Variants in TWIST2 observed in about 807,000 individuals in gnomAD.
The protein encoded by TWIST2 is twist family bHLH transcription factor 2, also known as twist-related protein 2.
A neutral mutation model predicts 11.6 loss-of-function variants in TWIST2; 1 was observed. The ratio of observed to expected loss-of-function variants is 0.09; its 90% CI spans 0.03 to 0.41. The LOEUF (loss-of-function observed/expected upper bound fraction) is 0.41. Ranked by LOEUF, TWIST2 falls within the 10% of genes least tolerant of loss-of-function variation. The pLI, the probability that TWIST2 is intolerant of heterozygous loss-of-function variation, is 0.98. For synonymous variants in TWIST2, 87 were observed against 96.6 expected (o/e 0.90, Z 0.58); for missense variants, 168 against 226.4 (o/e 0.74, Z 1.66).
chr2:238,903,402 A>C (rs1194658904), intron 1 of TWIST2, among the ~76,000 whole-genome samples: 1 of 116,090 alleles, frequency 8.6e-6, no homozygotes, highest in Non-Finnish European at 1.7e-5. Context: ...GGTGTGTCTA[A>C]TGTGAGGTGT....
rs1224264295 is a variant in TWIST2 at position 238,880,552 on chromosome 2, TTATTAG to T, written c.*36-29278_*36-29273del. 1.6e-3 allele frequency among the ~76,000 whole-genome samples: 149 copies of T among 91,436 alleles called. 2 individuals carry two copies. The highest frequency in any genetic ancestry group is 2.8e-3 in the Non-Finnish European group (128 of 46,182). The allele number at this position is 91,436 out of a possible 152,430, so 60.0% of individuals were successfully genotyped here. A position where few individuals can be genotyped will look rare whatever the true frequency, so the allele number is the denominator to read the frequency against. On this transcript the variant is annotated intron_variant, in intron 1 of 1. Coordinates refer to ENST00000612363, the MANE Select transcript of TWIST2 (RefSeq NM_001271893.4). ...TTGGTATTAGTGTTAGTGTTAGTATTTATTAGTATTAGTATTACTGTTAGTATTAGT... is the reference window on the plus strand; with the variant it reads ...TTGGTATTAGTGTTAGTGTTAGTATTTATTAGTATTACTGTTAGTATTAGT...
At chr2:238,872,743 G>A (rs938247115) in intron 1 of TWIST2, among the ~76,000 whole-genome samples, 2 of 152,200 alleles carry the variant, frequency 1.3e-5, no homozygotes, top group African/African-American at 4.8e-5. Context: ...GCACCAGGAC[G>A]ATTTACTGGA....
chr2:238,909,412 G>C (rs1312783427), intron 1 of TWIST2, among the ~76,000 whole-genome samples: 1 of 152,122 alleles, frequency 6.6e-6, no homozygotes, highest in African/African-American at 2.4e-5. Flanking sequence ...CCAGCCCTCT[G>C]CTGCCCGAAA....
chr2:238,870,087 C>G (rs1322447713), intron 1 of TWIST2, among the ~76,000 whole-genome samples: 1 of 133,906 alleles, frequency 7.5e-6, no homozygotes, highest in East Asian at 2.1e-4. Context: ...AACAAAACGA[C>G]AAAACGTGGT....
chr2:238,906,869 G>A (rs964575993), intron 1 of TWIST2, among the ~76,000 whole-genome samples: 2 of 152,226 alleles, frequency 1.3e-5, no homozygotes, highest in Admixed American at 1.3e-4. Flanking sequence ...CGGGAGGAGG[G>A]TCTCGTTGCG....
intron 1 of TWIST2, among the ~76,000 whole-genome samples, chr2:238,860,754 A>G (rs929713623): frequency 5.3e-5 from 8 of 152,228 alleles, no homozygotes; most frequent in African/African-American, 1.7e-4. Context: ...CCTGGCCAAC[A>G]TGGCGAAACC....
At chr2:238,886,086 A>C (rs993629953) in intron 1 of TWIST2, among the ~76,000 whole-genome samples, 1 of 116,662 alleles carries the variant, frequency 8.6e-6, no homozygotes, top group Non-Finnish European at 1.8e-5. Flanking sequence ...ACAGAGTGAG[A>C]CTCCATCTCA....
chr2:238,874,414 CTCT>C lies in TWIST2; in HGVS notation c.*35+25686_*35+25688del, dbSNP rs746463645. On this transcript the variant is annotated intron_variant, in intron 1 of 1. Transcript: ENST00000612363. ...AAATGTCCAATTTAGTTACTTAAGG[CTCT>C]TCTTTTGCAAAAGAATAGAAAGAAA... is the stretch of plus-strand genomic sequence containing the variant. Among the ~76,000 whole-genome samples the C allele has an allele frequency of 9.9e-4, 151 of 152,242 alleles. 1 individual carries two copies. The highest frequency in any genetic ancestry group is 4.6e-4 in the Non-Finnish European group (31 of 68,016).
chr2:238,899,498 C>A (rs1400170371), intron 1 of TWIST2, among the ~76,000 whole-genome samples: 2 of 152,192 alleles, frequency 1.3e-5, no homozygotes, highest in African/African-American at 4.8e-5. Flanking sequence ...ACAGGTTAAT[C>A]CACTCTCCCA....
At chr2:238,907,482 A>G (rs1299476421) in intron 1 of TWIST2, among the ~76,000 whole-genome samples, 3 of 152,104 alleles carry the variant, frequency 2.0e-5, no homozygotes, top group Non-Finnish European at 2.9e-5. Flanking sequence ...TCTTTCCCCA[A>G]GGCGCTCCCG....
In TWIST2 at chr2:238,866,398, C is replaced by T. The variant is rs1312489205; in HGVS notation, c.*35+17665C>T. 6.6e-6 allele frequency among the ~76,000 whole-genome samples: 1 copy of T among 152,230 alleles called. No homozygotes were observed. The highest frequency in any genetic ancestry group is 1.5e-5 in the Non-Finnish European group (1 of 68,054). ...CTTCGGCCAGGCACAGTGGCTCACA[C>T]CTGTAATCCTGGCACTTTGGGAGGC... On this transcript the variant is annotated intron_variant, in intron 1 of 1. Transcript: ENST00000612363. This position sits in a 1 kb window ranked among gnomAD's most constrained non-coding sequence, Gnocchi z 4.9.
At position 238,863,038 on chromosome 2, in the gene TWIST2, TG is replaced by T. The variant is rs1166187052; in HGVS notation, c.*35+14306del. Among the ~76,000 whole-genome samples, 3 of 103,806 alleles carry T rather than the reference TG, an allele frequency of 2.9e-5. No individual in the cohort carries two copies. Among genetic ancestry groups the T allele is most frequent in the Non-Finnish European group, 4.9e-5 (2 of 41,048 alleles). 68.1% of individuals were successfully genotyped at this position (103,806 alleles called of 152,430 possible). On this transcript the variant is annotated intron_variant, in intron 1 of 1. Coordinates refer to ENST00000612363, the MANE Select transcript of TWIST2 (RefSeq NM_001271893.4). This position sits in a 1 kb window ranked among gnomAD's most constrained non-coding sequence, Gnocchi z 4.7. ...ATGAAAGAGCTTCCTTTCCTTCTTA[TG>T]TTTTTTTTTTTTTAATTTCTAGATT...
chr2:238,894,625 G>A (rs1433547667), intron 1 of TWIST2, among the ~76,000 whole-genome samples: 1 of 152,126 alleles, frequency 6.6e-6, no homozygotes, highest in Admixed American at 6.5e-5. Context: ...GCTTTGGGGA[G>A]TCCCACCAAT....
At chr2:238,860,065 G>A (rs911302151) in intron 1 of TWIST2, among the ~76,000 whole-genome samples, 5 of 152,182 alleles carry the variant, frequency 3.3e-5, no homozygotes, top group African/African-American at 1.2e-4. Context: ...TGGCCCATGA[G>A]TGCACACCTC....
At chr2:238,895,607 C>T (rs1166043704) in intron 1 of TWIST2, among the ~76,000 whole-genome samples, 1 of 152,204 alleles carries the variant, frequency 6.6e-6, no homozygotes, top group Non-Finnish European at 1.5e-5. Flanking sequence ...CTCGCTGTCT[C>T]TGAAAGTTGG....
chr2:238,905,194 G>A (rs1419898766), intron 1 of TWIST2, among the ~76,000 whole-genome samples: 1 of 151,518 alleles, frequency 6.6e-6, no homozygotes, highest in African/African-American at 2.4e-5. Context: ...AGTTGAATGG[G>A]GCCTCACCTG....
chr2:238,861,734 G>A (rs974962463), intron 1 of TWIST2, among the ~76,000 whole-genome samples: 7 of 152,156 alleles, frequency 4.6e-5, no homozygotes, highest in African/African-American at 1.2e-4. Context: ...CCATGGTTTC[G>A]CTTTTCGAAG....
chr2:238,848,835 G>T, intron 1 of TWIST2, 102 bp downstream of exon 1: 2 of 946,290 alleles, frequency 2.1e-6, no homozygotes, highest in South Asian at 4.9e-5. Context: ...GAGGCCCCGC[G>T]GGCCGCGGGG....
At chr2:238,859,931 G>A (rs1351712263) in intron 1 of TWIST2, among the ~76,000 whole-genome samples, 1 of 152,158 alleles carries the variant, frequency 6.6e-6, no homozygotes, top group African/African-American at 2.4e-5. Flanking sequence ...TCTGGGGGCC[G>A]AGGCAGAGAG....
Sources: gnomAD v4.1 joint callset for allele counts (sites outside exome capture counted in the v4.1 genomes callset) on GRCh38, gnomAD v4.1.1 for gene constraint, Gnocchi (gnomAD v3.1) non-coding constraint, MANE v1.5 for transcripts, NCBI Gene and HGNC (gene_info 2026-07-23, HGNC 2026-07-21) for gene names.